The following SOX5 variants were observed in gnomAD, a reference collection of about 807,000 sequenced individuals.
SOX5 encodes transcription factor SOX-5.
SOX5 carries 9 observed loss-of-function variants against 92.0 expected under a neutral mutation model. That is an observed-to-expected ratio of 0.10 (90% CI 0.06 to 0.17). The LOEUF is 0.17. SOX5 is among the 10% of genes least tolerant of loss of function. SOX5 has a pLI of 1.00. For synonymous variants in SOX5, 344 were observed against 336.3 expected (o/e 1.02, Z -0.25); for missense variants, 642 against 944.5 (o/e 0.68, Z 4.20).
chr12:24,070,890 C>A lies in SOX5; in HGVS notation c.-2+142453G>T, dbSNP rs1470822825. On this transcript the variant is annotated intron_variant, in intron 4 of 4. Coordinates refer to the SOX5 transcript ENST00000446891. ...CCAGTCAATTATCCACCAGGGGTAA[C>A]CTCCATAGATTAATTTTGCCTAGAA... Among the ~76,000 whole-genome samples the A allele has an allele frequency of 2.0e-5, 3 of 152,260 alleles. 1 individual carries two copies. In the East Asian group the frequency reaches 5.8e-4, roughly 29 times the overall value.
chr12:24,458,509 G>A (rs1048265178), intron 1 of SOX5, among the ~76,000 whole-genome samples: 7 of 151,962 alleles, frequency 4.6e-5, no homozygotes, highest in African/African-American at 1.7e-4. Context: ...CCTGATACCC[G>A]GCCACATTCC....
At chr12:24,424,816 G>GC (rs1292377559) in intron 1 of SOX5, among the ~76,000 whole-genome samples, 1 of 150,182 alleles carries the variant, frequency 6.7e-6, no homozygotes, top group Admixed American at 6.6e-5. Context: ...TTTGGGGGGG[G>GC]GGGATGGCTG....
intron 3 of SOX5, among the ~76,000 whole-genome samples, chr12:23,761,890 A>G (rs2094572262): frequency 6.6e-6 from 1 of 152,278 alleles, no homozygotes; most frequent in Non-Finnish European, 1.5e-5. Context: ...AAACTGAAGA[A>G]TAAATACAAG....
intron 4 of SOX5, among the ~76,000 whole-genome samples, chr12:23,741,641 C>T (rs143722287): frequency 6.6e-6 from 1 of 152,088 alleles, no homozygotes; most frequent in African/African-American, 2.4e-5. Flanking sequence ...ATCTATCTAG[C>T]CAATCAAGTT....
intron 6 of SOX5, among the ~76,000 whole-genome samples, chr12:23,711,107 A>G (rs1231177476): frequency 6.6e-6 from 1 of 152,216 alleles, no homozygotes; most frequent in Non-Finnish European, 1.5e-5. Context: ...TCATAATAAA[A>G]ACAAAAGAGG....
rs899886385 is a variant in SOX5 at position 24,141,278 on chromosome 12, T to A, written c.-2+72065A>T. On this transcript the variant is annotated intron_variant, in intron 4 of 4. Transcript: ENST00000446891. ...GTTTACCAGGTGAAGCATATTTATA[T>A]CCTAAGTGTTGCAAAGTGTTATTAA... Among the ~76,000 whole-genome samples the A allele has an allele frequency of 3.9e-5, 6 of 152,192 alleles. No individual in the cohort carries two copies. In the East Asian group the frequency reaches 1.2e-3, roughly 29 times the overall value.
chr12:24,234,778 A>C (rs1964119219), intron 3 of SOX5, among the ~76,000 whole-genome samples: 1 of 152,340 alleles, frequency 6.6e-6, no homozygotes, highest in Non-Finnish European at 1.5e-5. Context: ...TAAATGCTAC[A>C]GTGATGGTTC....
intron 2 of SOX5, among the ~76,000 whole-genome samples, chr12:24,301,155 A>G (rs1420748009): frequency 6.6e-6 from 1 of 152,196 alleles, no homozygotes; most frequent in Non-Finnish European, 1.5e-5. Context: ...GTTTGCCTCC[A>G]ACTGCATACA....
intron 6 of SOX5, among the ~76,000 whole-genome samples, chr12:23,673,207 CT>C (rs1471700170): frequency 6.6e-6 from 1 of 152,040 alleles, no homozygotes; most frequent in African/African-American, 2.4e-5. Context: ...ATTAAAATAT[CT>C]TAGATAATTC....
chr12:24,336,926 G>T (rs1951979886), intron 2 of SOX5, among the ~76,000 whole-genome samples: 1 of 152,172 alleles, frequency 6.6e-6, no homozygotes, highest in African/African-American at 2.4e-5. Flanking sequence ...GAGCAAATGA[G>T]CTTTGTAAAA....
intron 2 of SOX5, among the ~76,000 whole-genome samples, chr12:24,281,710 T>C (rs1348032758): frequency 2.6e-5 from 4 of 152,206 alleles, no homozygotes; most frequent in Non-Finnish European, 4.4e-5. Context: ...CAAAGGTAAA[T>C]GGCAAGAAAC....
chr12:23,719,592 A>C (rs894340841), intron 6 of SOX5, among the ~76,000 whole-genome samples: 1 of 151,968 alleles, frequency 6.6e-6, no homozygotes, highest in African/African-American at 2.4e-5. Context: ...TCTACAAAAC[A>C]TATATTTTTA....
intron 3 of SOX5, among the ~76,000 whole-genome samples, chr12:24,269,839 A>ATTTTTTTTT (rs56939628): frequency 1.6e-5 from 1 of 62,094 alleles, no homozygotes; most frequent in African/African-American, 5.6e-5. Context: ...CCACCATGCA[A>ATTTTTTTTT]TTTTTTTTTT....
chr12:23,831,296 T>G (rs890523502), intron 3 of SOX5, among the ~76,000 whole-genome samples: 3 of 152,068 alleles, frequency 2.0e-5, no homozygotes, highest in African/African-American at 7.2e-5. Flanking sequence ...AAAGGATAAA[T>G]AATGAACAAT....
At chr12:23,726,830 T>C (rs890535415) in intron 6 of SOX5, among the ~76,000 whole-genome samples, 1 of 152,172 alleles carries the variant, frequency 6.6e-6, no homozygotes. Flanking sequence ...TCCAGACACA[T>C]GGCAGATTTG....
At chr12:24,501,552 G>A (rs890079960) in intron 1 of SOX5, among the ~76,000 whole-genome samples, 2 of 152,130 alleles carry the variant, frequency 1.3e-5, no homozygotes, top group Non-Finnish European at 2.9e-5. Context: ...TCAGCTGGGT[G>A]CAGTGGCTCA....
intron 1 of SOX5, among the ~76,000 whole-genome samples, chr12:23,903,222 G>A (rs932519261): frequency 6.6e-6 from 1 of 152,130 alleles, no homozygotes; most frequent in African/African-American, 2.4e-5. Flanking sequence ...ATAGATAATA[G>A]ATGATATCTC....
chr12:24,315,494 T>A (rs1949613861), intron 2 of SOX5, among the ~76,000 whole-genome samples: 1 of 152,142 alleles, frequency 6.6e-6, no homozygotes, highest in South Asian at 2.1e-4. Context: ...TTTGTAAGGT[T>A]TTTTGTGCAT....
chr12:24,398,742 C>T (rs1960716642), intron 1 of SOX5, among the ~76,000 whole-genome samples: 1 of 152,104 alleles, frequency 6.6e-6, no homozygotes, highest in Non-Finnish European at 1.5e-5. Context: ...ATTGATAAAC[C>T]CACATCCTCT....
Sources: gnomAD v4.1 joint callset for allele counts (sites outside exome capture counted in the v4.1 genomes callset) on GRCh38, gnomAD v4.1.1 for gene constraint, MANE v1.5 for transcripts, NCBI Gene and HGNC (gene_info 2026-07-23, HGNC 2026-07-21) for gene names.